Variants in CNTN4 observed in about 807,000 individuals in gnomAD.
CNTN4 encodes contactin 4.
Under a neutral mutation model 122.5 loss-of-function variants are expected in CNTN4, and 77 were observed. The ratio of observed to expected loss-of-function variants is 0.63; its 90% CI spans 0.52 to 0.76. The LOEUF (loss-of-function observed/expected upper bound fraction) is 0.76, where lower values mean the gene tolerates loss of function less well. CNTN4 is among the 30% of genes least tolerant of loss of function. CNTN4 has a pLI of 0.00. For synonymous variants in CNTN4, 512 were observed against 447.0 expected (o/e 1.15, Z -1.83); for missense variants, 1,256 against 1,259.1 (o/e 1.00, Z 0.04).
In CNTN4 at chr3:2,456,432, T is replaced by C. The variant is rs73804588; in HGVS notation, c.-88-114984T>C. Among the ~76,000 whole-genome samples, 787 of 152,238 alleles carry C rather than the reference T, an allele frequency of 5.2e-3. 10 individuals carry two copies. The highest frequency in any genetic ancestry group is 0.017 in the African/African-American group (727 of 41,574). ...GTGGCATTTAGTACGCTTACACCGA[T>C]GTGCAGCCATCATCTCTATTAGTCC... On this transcript the variant is annotated intron_variant, in intron 3 of 24. Transcript: ENST00000418658.
At chr3:2,188,697 T>C (rs942257239) in intron 2 of CNTN4, among the ~76,000 whole-genome samples, 1 of 152,102 alleles carries the variant, frequency 6.6e-6, no homozygotes. Context: ...AGGCAGTAAT[T>C]AGGGCAAAGT....
At chr3:2,356,083 C>A (rs960959867) in intron 3 of CNTN4, among the ~76,000 whole-genome samples, 1 of 152,002 alleles carries the variant, frequency 6.6e-6, no homozygotes, top group Non-Finnish European at 1.5e-5. Flanking sequence ...TTGGTGTTTC[C>A]ACTTCCTGTT....
At chr3:2,186,417 A>G (rs1441434565) in intron 2 of CNTN4, among the ~76,000 whole-genome samples, 1 of 152,192 alleles carries the variant, frequency 6.6e-6, no homozygotes, top group South Asian at 2.1e-4. Flanking sequence ...TTATAGCAGC[A>G]TGATTTATAT....
intron 6 of CNTN4, among the ~76,000 whole-genome samples, chr3:2,817,958 A>G (rs2092775801): frequency 1.3e-5 from 2 of 152,368 alleles, no homozygotes; most frequent in Admixed American, 6.5e-5. Flanking sequence ...CATTGAATAA[A>G]AAGAAGTTTA....
At chr3:2,129,814 T>C (rs2125270526) in intron 2 of CNTN4, among the ~76,000 whole-genome samples, 1 of 152,036 alleles carries the variant, frequency 6.6e-6, no homozygotes, top group African/African-American at 2.4e-5. Flanking sequence ...ATACATAGTA[T>C]ATATATAAAT....
chr3:2,252,868 T>C (rs1285833474), intron 2 of CNTN4, among the ~76,000 whole-genome samples: 1 of 152,162 alleles, frequency 6.6e-6, no homozygotes, highest in African/African-American at 2.4e-5. Flanking sequence ...TGTTTAATAC[T>C]TCTTTGCTTT....
chr3:2,124,472 A>ACACC (rs761202551), intron 2 of CNTN4, among the ~76,000 whole-genome samples: 3 of 128,062 alleles, frequency 2.3e-5, no homozygotes, highest in East Asian at 3.1e-4. Context: ...ACACACACAC[A>ACACC]CCCCCTTAAG....
At chr3:2,736,614 C>T (rs921231654) in intron 5 of CNTN4, among the ~76,000 whole-genome samples, 2 of 151,092 alleles carry the variant, frequency 1.3e-5, no homozygotes, top group African/African-American at 4.9e-5. Flanking sequence ...CAGGCATGCA[C>T]CACCACGCCC....
intron 5 of CNTN4, among the ~76,000 whole-genome samples, chr3:2,744,209 A>C (rs2089631146): frequency 6.6e-6 from 1 of 152,252 alleles, no homozygotes; most frequent in South Asian, 2.1e-4. Flanking sequence ...AGGTCTTGAC[A>C]AAAAGAAGGG....
intron 3 of CNTN4, among the ~76,000 whole-genome samples, chr3:2,473,880 T>TGG (rs1171100023): frequency 1.4e-4 from 22 of 152,000 alleles, no homozygotes; most frequent in Non-Finnish European, 2.1e-4. Context: ...GGTGTGGTGG[T>TGG]GCATGCCTGT....
rs190696015 is a variant in CNTN4 at position 2,306,603 on chromosome 3, C to T, written c.-144-32575C>T. On this transcript the variant is annotated intron_variant, in intron 2 of 24. Transcript: ENST00000418658. ...TTCAGGATGTTTCAGTTACTTGGAG[C>T]GTCTTGAATTTCCATATGAATATAA... Among the ~76,000 whole-genome samples the T allele has an allele frequency of 1.2e-3, 178 of 151,888 alleles. 1 individual carries two copies. Among genetic ancestry groups the T allele is most frequent in the Middle Eastern group, 0.01 (3 of 292 alleles).
At chr3:2,805,583 C>G (rs1042084513) in intron 6 of CNTN4, among the ~76,000 whole-genome samples, 1 of 152,186 alleles carries the variant, frequency 6.6e-6, no homozygotes, top group African/African-American at 2.4e-5. Context: ...TGCCAAAGCT[C>G]TCATGAGAAT....
chr3:2,435,460 C>A (rs568311109), intron 3 of CNTN4, among the ~76,000 whole-genome samples: 4 of 152,066 alleles, frequency 2.6e-5, no homozygotes, highest in Non-Finnish European at 5.9e-5. Context: ...TCAGTACAGA[C>A]ACAACCATCC....
chr3:2,231,267 A>T (rs1468575260), intron 2 of CNTN4, among the ~76,000 whole-genome samples: 1 of 152,048 alleles, frequency 6.6e-6, no homozygotes, highest in African/African-American at 2.4e-5. Context: ...GGTGGTTACC[A>T]AGTAGGACAG....
At chr3:2,892,856 T>C (rs930388815) in intron 10 of CNTN4, among the ~76,000 whole-genome samples, 6 of 152,168 alleles carry the variant, frequency 3.9e-5, no homozygotes, top group African/African-American at 1.4e-4. Context: ...TTTTTATAAT[T>C]AAGGAAAATA....
intron 12 of CNTN4, among the ~76,000 whole-genome samples, chr3:2,923,842 C>G (rs2094450024): frequency 6.6e-6 from 1 of 152,098 alleles, no homozygotes; most frequent in African/African-American, 2.4e-5. Context: ...GTTCTCGTTA[C>G]ATAAATATTG....
intron 2 of CNTN4, among the ~76,000 whole-genome samples, chr3:2,243,246 G>A (rs912340164): frequency 3.9e-5 from 6 of 152,100 alleles, no homozygotes; most frequent in Non-Finnish European, 8.8e-5. Flanking sequence ...CCAAGGTAAT[G>A]TTGACTTTAC....
intron 7 of CNTN4, among the ~76,000 whole-genome samples, chr3:2,821,170 T>A (rs6772022): frequency 0.53 from 80,350 of 151,582 alleles, 21,683 homozygotes; most frequent in African/African-American, 0.62. Flanking sequence ...TTGACCAGGC[T>A]GGTCTCAAAC....
At chr3:2,923,084 C>G (rs1448367777) in intron 12 of CNTN4, among the ~76,000 whole-genome samples, 1 of 152,148 alleles carries the variant, frequency 6.6e-6, no homozygotes, top group Non-Finnish European at 1.5e-5. Context: ...CCTGTAAAAG[C>G]AAAATGTAGT....
Sources: allele counts gnomAD v4.1 joint callset (sites outside exome capture counted in the v4.1 genomes callset), GRCh38; gene constraint gnomAD v4.1.1; transcripts MANE v1.5; gene names NCBI Gene and HGNC (gene_info 2026-07-23, HGNC 2026-07-21).